DOCK1: variants seen among roughly 807,000 people sequenced by gnomAD.
DOCK1 encodes dedicator of cytokinesis 1.
In DOCK1, 138 loss-of-function variants were observed where a neutral mutation model predicts 262.7. The observed-to-expected ratio is 0.53, with a 90% CI of 0.46 to 0.61. The LOEUF (loss-of-function observed/expected upper bound fraction) is 0.61. Among genes scored for constraint, DOCK1 ranks in the 20% least tolerant of loss-of-function variants. DOCK1 has a pLI of 0.00. For missense variants in DOCK1, 1,908 were observed against 2,370.7 expected (o/e 0.80, Z 4.05); for synonymous variants, 866 against 867.4 (o/e 1.00, Z 0.03).
chr10:127,203,644 CGTTT>C (rs1260043279), intron 27 of DOCK1, among the ~76,000 whole-genome samples: 10 of 22,430 alleles, frequency 4.5e-4, no homozygotes, highest in Non-Finnish European at 5.8e-4. Context: ...TTTCCGTAAA[CGTTT>C]TTTTTTTTTT....
At chr10:127,085,507 C>T (rs2047143538) in intron 23 of DOCK1, among the ~76,000 whole-genome samples, 5 of 152,264 alleles carry the variant, frequency 3.3e-5, no homozygotes, top group South Asian at 2.1e-4. Context: ...TGCCTGTAAT[C>T]CCAGCACTTT....
chr10:127,170,670 G>T (rs1289803338), intron 27 of DOCK1, among the ~76,000 whole-genome samples: 1 of 152,108 alleles, frequency 6.6e-6, no homozygotes, highest in Admixed American at 6.5e-5. Context: ...CTCCTGCCCA[G>T]GAATCCCATA....
intron 29 of DOCK1, among the ~76,000 whole-genome samples, chr10:127,270,999 A>ATG (rs759346728): frequency 0.026 from 3,430 of 133,740 alleles, 106 homozygotes; most frequent in African/African-American, 0.087. Context: ...ATATGTGTGT[A>ATG]TGTGTGTGTG....
chr10:127,002,132 G>A (rs1337977778), intron 10 of DOCK1, among the ~76,000 whole-genome samples: 3 of 152,082 alleles, frequency 2.0e-5, no homozygotes, highest in Non-Finnish European at 4.4e-5. Context: ...TCATTTTCCA[G>A]GATTGTTTTT....
intron 38 of DOCK1, among the ~76,000 whole-genome samples, chr10:127,401,105 A>C (rs1263023437): frequency 6.6e-6 from 1 of 151,850 alleles, no homozygotes; most frequent in Non-Finnish European, 1.5e-5. Flanking sequence ...AACTCAGCTC[A>C]AGAGGACAGC....
At chr10:127,002,769 G>A (rs1244350095) in intron 10 of DOCK1, among the ~76,000 whole-genome samples, 2 of 152,180 alleles carry the variant, frequency 1.3e-5, no homozygotes, top group Non-Finnish European at 2.9e-5. Flanking sequence ...TCTGTCCCCT[G>A]ATATCTGCTG....
chr10:127,012,307 G>T lies in DOCK1; in HGVS notation c.1134G>T (p.Glu378Asp), dbSNP rs746080157. The T allele has an allele frequency of 2.5e-6, 4 of 1,613,920 alleles. No individual in the cohort carries two copies. The highest frequency in any genetic ancestry group is 3.3e-5 in the Admixed American group (2 of 60,008). The change falls in exon 12 of 52, where the codon GAG (glutamate) becomes GAT (aspartate). Residue 378 changes from glutamate (E) to aspartate (D), a missense_variant. Around this residue, in one of 9 missense-constraint regions of DOCK1, gnomAD observed 57 missense variants for 39.7 expected, o/e 1.44. Transcript: ENST00000623213. This position sits in a 1 kb window ranked among gnomAD's most constrained non-coding sequence, Gnocchi z 4.0. ...SSRFSPRVAG[E>D]NDFLQTVINK... is the part of the protein sequence containing the mutation. The stretch of plus-strand genomic sequence containing the variant: ...GTTTTTCACCCAGGGTGGCAGGGGA[G>T]AATGACTTCCTTCAGACTGTTATAA...
chr10:127,272,192 A>C (rs1028306642), intron 29 of DOCK1: 2 of 152,362 alleles, frequency 1.3e-5, no homozygotes, highest in East Asian at 1.9e-4. Flanking sequence ...TTATGTTGTA[A>C]AGTGAAATAT....
intron 27 of DOCK1, among the ~76,000 whole-genome samples, chr10:127,241,774 G>A (rs1019499086): frequency 6.6e-6 from 1 of 152,128 alleles, no homozygotes; most frequent in Non-Finnish European, 1.5e-5. Flanking sequence ...CTAAACAGGT[G>A]TTTCTTCCAG....
intron 10 of DOCK1, among the ~76,000 whole-genome samples, chr10:127,003,587 C>T (rs1242842121): frequency 6.6e-6 from 1 of 152,178 alleles, no homozygotes; most frequent in African/African-American, 2.4e-5. Flanking sequence ...GCACTGAGCA[C>T]TGAGCCTTTG....
intron 27 of DOCK1, among the ~76,000 whole-genome samples, chr10:127,236,413 C>T (rs1359879074): frequency 7.0e-6 from 1 of 142,564 alleles, no homozygotes; most frequent in Non-Finnish European, 1.5e-5. Flanking sequence ...CTCCTTCCTT[C>T]CCTTCCTTCC....
At chr10:127,028,089 G>T (rs1327589701) in intron 16 of DOCK1, among the ~76,000 whole-genome samples, 1 of 152,020 alleles carries the variant, frequency 6.6e-6, no homozygotes, top group East Asian at 1.9e-4. Context: ...GTGGTGGCTG[G>T]CAGCTGCCGA....
chr10:126,979,109 C>T (rs1032726011), intron 3 of DOCK1, among the ~76,000 whole-genome samples: 7 of 152,234 alleles, frequency 4.6e-5, no homozygotes, highest in Non-Finnish European at 8.8e-5. Context: ...CAGGTCTCTA[C>T]ACATCAGTGA....
intron 33 of DOCK1, among the ~76,000 whole-genome samples, chr10:127,366,405 G>A (rs916735326): frequency 9.2e-5 from 14 of 151,912 alleles, no homozygotes; most frequent in African/African-American, 1.5e-4. Context: ...TGGGTTTTCC[G>A]GCTGCGGGTC....
chr10:127,144,224 C>A (rs1273778702), intron 27 of DOCK1, among the ~76,000 whole-genome samples: 3 of 152,298 alleles, frequency 2.0e-5, no homozygotes, highest in African/African-American at 7.2e-5. Flanking sequence ...CTTCTCAAAT[C>A]CCTGCTTATC....
At chr10:126,935,254 T>C (rs1455518346) in intron 1 of DOCK1, among the ~76,000 whole-genome samples, 1 of 152,250 alleles carries the variant, frequency 6.6e-6, no homozygotes, top group East Asian at 1.9e-4. Flanking sequence ...GCTGTAAATA[T>C]TAATATACTT....
intron 31 of DOCK1, among the ~76,000 whole-genome samples, chr10:127,345,939 C>T (rs2063614274): frequency 6.6e-6 from 1 of 152,228 alleles, no homozygotes. Flanking sequence ...ACACACAAAG[C>T]ACAGTGCGGC....
intron 23 of DOCK1, among the ~76,000 whole-genome samples, chr10:127,086,085 T>TG (rs2047178289): frequency 6.6e-6 from 1 of 152,134 alleles, no homozygotes. Context: ...CCTCATCTCT[T>TG]CAGGAGTTCG....
chr10:127,403,486 G>A (rs750047049), intron 39 of DOCK1, among the ~76,000 whole-genome samples: 92 of 152,210 alleles, frequency 6.0e-4, no homozygotes, highest in Non-Finnish European at 9.6e-4. Context: ...CAGGCCAGGC[G>A]CACTGGCTCA....
Sources: gnomAD v4.1 joint callset for allele counts (sites outside exome capture counted in the v4.1 genomes callset) on GRCh38, gnomAD v4.1.1 for gene constraint, gnomAD v4.1.1 regional missense constraint, Gnocchi (gnomAD v3.1) non-coding constraint, MANE v1.5 for transcripts, NCBI Gene and HGNC (gene_info 2026-07-23, HGNC 2026-07-21) for gene names.